LRP6: variants seen among roughly 807,000 people sequenced by gnomAD.
The protein encoded by LRP6 is low-density lipoprotein receptor-related protein 6.
LRP6 carries 43 observed loss-of-function variants against 184.1 expected under a neutral mutation model. The observed-to-expected ratio is 0.23, with a 90% CI of 0.18 to 0.30. The LOEUF is 0.30. Among genes scored for constraint, LRP6 ranks in the 10% least tolerant of loss-of-function variants. LRP6 has a pLI of 1.00. For synonymous variants in LRP6, 719 were observed against 684.9 expected, an observed-to-expected ratio of 1.05 and a Z score of -0.78; for missense variants, 1,571 against 2,005.3, an observed-to-expected ratio of 0.78 and a Z score of 4.14.
At chr12:12,127,168 T>C (rs957590187) in intron 19 of LRP6, among the ~76,000 whole-genome samples, 4 of 152,158 alleles carry the variant, frequency 2.6e-5, no homozygotes, top group Non-Finnish European at 4.4e-5. Flanking sequence ...GGTTGGAAAG[T>C]GTAATTGTAA....
chr12:12,231,925 G>C (rs891164195), intron 2 of LRP6, among the ~76,000 whole-genome samples: 1 of 151,816 alleles, frequency 6.6e-6, no homozygotes, highest in South Asian at 2.1e-4. Context: ...TAAGATGGGA[G>C]GATTGCTTGA....
intron 2 of LRP6, among the ~76,000 whole-genome samples, chr12:12,232,579 G>C (rs1283357710): frequency 1.0e-5 from 1 of 100,196 alleles, no homozygotes; most frequent in Non-Finnish European, 2.3e-5. Context: ...CAAGAATCCA[G>C]CAGGTGCAAA....
chr12:12,186,169 A>G (rs1328272562), intron 4 of LRP6, among the ~76,000 whole-genome samples: 1 of 151,972 alleles, frequency 6.6e-6, no homozygotes, highest in Admixed American at 6.6e-5. Context: ...TTTTAAACAC[A>G]CTCACATCAA....
At chr12:12,211,084 A>T (rs557516213) in intron 2 of LRP6, 2 of 152,372 alleles carry the variant, frequency 1.3e-5, no homozygotes, top group East Asian at 3.9e-4. Flanking sequence ...TAGTGAAAGC[A>T]TTCATGTTAG....
chr12:12,182,469 TCTAA>T (rs377004799), intron 5 of LRP6, among the ~76,000 whole-genome samples: 1 of 152,108 alleles, frequency 6.6e-6, no homozygotes, highest in African/African-American at 2.4e-5. Flanking sequence ...CAAAAAATCG[TCTAA>T]CTATAGGAAG....
chr12:12,212,243 T>C (rs1055383995), intron 2 of LRP6, among the ~76,000 whole-genome samples: 1 of 152,208 alleles, frequency 6.6e-6, no homozygotes, highest in Admixed American at 6.5e-5. Flanking sequence ...AAATATTTAA[T>C]AATGGTCTGC....
At chr12:12,146,712 T>C (rs535669821) in intron 15 of LRP6, among the ~76,000 whole-genome samples, 1 of 152,262 alleles carries the variant, frequency 6.6e-6, no homozygotes, top group South Asian at 2.1e-4. Flanking sequence ...AGCAGTGACA[T>C]TAAAACCATG....
intron 2 of LRP6, among the ~76,000 whole-genome samples, chr12:12,242,983 T>C (rs1865102271): frequency 6.6e-6 from 1 of 152,228 alleles, no homozygotes; most frequent in Non-Finnish European, 1.5e-5. Context: ...AATTCACTCC[T>C]TTCTATAAGT....
chr12:12,157,733 T>C (rs1862632019), intron 12 of LRP6, among the ~76,000 whole-genome samples: 1 of 152,220 alleles, frequency 6.6e-6, no homozygotes, highest in South Asian at 2.1e-4. Flanking sequence ...AGCAGTTTGT[T>C]ACTTTCCATC....
rs145841224 is a variant in LRP6, at chr12:12,161,926, A to G, written c.2279+267T>C. On this transcript the variant is annotated intron_variant, in intron 10 of 22. Coordinates refer to ENST00000261349, the MANE Select transcript of LRP6 (RefSeq NM_002336.3). ...TAATACCTCTTGGTATATATACTTA[A>G]CATATCAGTATACTCATCAGTAACA... Among the ~76,000 whole-genome samples the G allele has an allele frequency of 7.0e-3, 970 of 138,150 alleles. 10 individuals are homozygous for G. Among genetic ancestry groups the G allele is most frequent in the African/African-American group, 0.025 (905 of 36,770 alleles). 90.6% of individuals were successfully genotyped at this position (138,150 alleles called of 152,430 possible).
chr12:12,262,573 A>G (rs1865645374), intron 1 of LRP6, among the ~76,000 whole-genome samples: 1 of 151,826 alleles, frequency 6.6e-6, no homozygotes, highest in East Asian at 1.9e-4. Context: ...AAAAAAAAAA[A>G]GCAAGCTAAG....
intron 1 of LRP6, among the ~76,000 whole-genome samples, chr12:12,257,859 C>A (rs1865510400): frequency 6.9e-6 from 1 of 144,330 alleles, no homozygotes. Context: ...CCCAGCTACT[C>A]TGGAAGCTGA....
chr12:12,228,161 G>A (rs1160506805), intron 2 of LRP6, among the ~76,000 whole-genome samples: 2 of 152,094 alleles, frequency 1.3e-5, no homozygotes, highest in Non-Finnish European at 2.9e-5. Context: ...ACCTGAGGTC[G>A]GGAGCTCAGG....
At chr12:12,220,287 CA>C (rs924870246) in intron 2 of LRP6, among the ~76,000 whole-genome samples, 739 of 126,004 alleles carry the variant, frequency 5.9e-3, no homozygotes, top group Admixed American at 6.8e-3. Context: ...GAACCTGCCT[CA>C]AAAAAAAAAA....
intron 7 of LRP6, among the ~76,000 whole-genome samples, chr12:12,177,988 G>A (rs963629343): frequency 6.6e-6 from 1 of 151,564 alleles, no homozygotes; most frequent in Non-Finnish European, 1.5e-5. Context: ...AAGGGGTGAC[G>A]GAGCCAATGA....
At chr12:12,246,910 T>C (rs1338340178) in intron 1 of LRP6, among the ~76,000 whole-genome samples, 1 of 152,230 alleles carries the variant, frequency 6.6e-6, no homozygotes, top group Admixed American at 6.5e-5. Flanking sequence ...CATCTATAAG[T>C]ACAACATAAA....
intron 17 of LRP6, among the ~76,000 whole-genome samples, chr12:12,133,541 C>T (rs1949786538): frequency 6.6e-6 from 1 of 152,070 alleles, no homozygotes; most frequent in Non-Finnish European, 1.5e-5. Flanking sequence ...GCCGGCAGAA[C>T]CATGAGCCAA....
At position 12,131,902 on chromosome 12, in the gene LRP6, T is replaced by C; in HGVS notation, c.3889A>G (p.Ser1297Gly). ...VCSESQFQCA[S>G]GQCIDGALRC... ...AGGGCACCATCAATACACTGCCCAC[T>C]GGCACACTGGAACTGGGACTCTGAG... is the stretch of plus-strand genomic sequence containing the variant. The change falls in exon 18 of 23, where the codon AGT becomes GGT. Residue 1297 changes from serine (S) to glycine (G), a missense_variant. By Grantham distance (56) the Ser-to-Gly change is moderately conservative. This residue lies in a region of LRP6 where 763 missense variants were observed against 859.5 expected (regional missense o/e 0.89). Transcript: ENST00000261349. 6.2e-7 allele frequency: 1 copy of C among 1,614,252 alleles called. No homozygotes were observed. Among genetic ancestry groups the C allele is most frequent in the Non-Finnish European group, 8.5e-7 (1 of 1,180,044 alleles).
At chr12:12,175,143 C>T (rs1197887516) in intron 7 of LRP6, among the ~76,000 whole-genome samples, 1 of 152,194 alleles carries the variant, frequency 6.6e-6, no homozygotes, top group African/African-American at 2.4e-5. Context: ...AATCCCAACA[C>T]TTTGGCAGGC....
Sources: gnomAD v4.1 joint callset for allele counts (sites outside exome capture counted in the v4.1 genomes callset) on GRCh38, gnomAD v4.1.1 for gene constraint, gnomAD v4.1.1 regional missense constraint, MANE v1.5 for transcripts, NCBI Gene and HGNC (gene_info 2026-07-23, HGNC 2026-07-21) for gene names.